Variants in PWWP3A observed in about 807,000 individuals in gnomAD.
PWWP3A encodes PWWP domain containing 3A, DNA repair factor.
In PWWP3A, 53 loss-of-function variants were observed where a neutral mutation model predicts 79.0. The observed-to-expected ratio is 0.67, with a 90% CI of 0.54 to 0.84. The LOEUF is 0.84. Ranked by LOEUF, PWWP3A falls within the 40% of genes least tolerant of loss-of-function variation. The probability of loss-of-function intolerance (pLI) is 0.00; values close to 1 mark genes in which losing one functional copy is unlikely to be tolerated. For missense variants in PWWP3A, 973 were observed against 948.0 expected (o/e 1.03, Z -0.35); for synonymous variants, 443 against 394.4 (o/e 1.12, Z -1.46).
At chr19:1,355,275 C>G (rs1262436653) in intron 1 of PWWP3A, 140 bp downstream of exon 1, 2 of 153,358 alleles carry the variant, frequency 1.3e-5, no homozygotes, top group African/African-American at 4.8e-5. Context: ...CCCCACTCTG[C>G]CCGGACCCCC....
intron 7 of PWWP3A, among the ~76,000 whole-genome samples, chr19:1,365,539 T>C (rs1018076539): frequency 2.6e-5 from 4 of 152,254 alleles, no homozygotes; most frequent in Admixed American, 2.6e-4. Context: ...AAACCGGGGA[T>C]TGAATCTGTG....
rs1568965069 is a variant in PWWP3A at position 1,375,525 on chromosome 19, T to TTTATTATATATAA, written c.2076-994_2076-993insTTATTATATATAA. On this transcript the variant is annotated intron_variant, in intron 13 of 13. Coordinates refer to ENST00000591337, the MANE Select transcript of PWWP3A (RefSeq NM_001369789.1). Reference sequence around the variant, plus strand: ...TTTATATATAATATATAAAATCATATAATTTATATATTTTATATATAAAAT... The same window carrying TTTATTATATATAA: ...TTTATATATAATATATAAAATCATATTTATTATATATAAAATTTATATATTTTATATATAAAAT... Among the ~76,000 whole-genome samples, 36 of 6,912 alleles carry TTTATTATATATAA rather than the reference T, an allele frequency of 5.2e-3. No homozygotes were observed. In the East Asian group the frequency reaches 0.18, roughly 34 times the overall value. The allele number at this position is 6,912 out of a possible 152,430, so 4.5% of individuals were successfully genotyped here.
Position 1,368,933 on chromosome 19 carries a change from G to A in PWWP3A, c.1423-332G>A, listed in dbSNP as rs113504810. Among the ~76,000 whole-genome samples the A allele has an allele frequency of 8.9e-4, 105 of 118,074 alleles. No individual in the cohort carries two copies. The highest frequency in any genetic ancestry group is 4.5e-3 in the Middle Eastern group (1 of 224). 77.5% of individuals were successfully genotyped at this position (118,074 alleles called of 152,430 possible). A position where few individuals can be genotyped will look rare whatever the true frequency, so the allele number is the denominator to read the frequency against. ...TGCGTTCAGACCAGCCCAAGCCATCGGGTCCCCGGTGCCCACCTGCGTTCA... is the reference window on the plus strand; with the variant it reads ...TGCGTTCAGACCAGCCCAAGCCATCAGGTCCCCGGTGCCCACCTGCGTTCA... On this transcript the variant is annotated intron_variant, in intron 9 of 13. Coordinates refer to ENST00000591337, the MANE Select transcript of PWWP3A (RefSeq NM_001369789.1). This position sits in a 1 kb window ranked among gnomAD's most constrained non-coding sequence, Gnocchi z 4.7.
At chr19:1,359,893 T>G (rs1328858627) in intron 4 of PWWP3A, 2 of 401,750 alleles carry the variant, frequency 5.0e-6, no homozygotes, top group Non-Finnish European at 8.8e-6. Flanking sequence ...GCCAATCAGG[T>G]TAAGGTCAAT....
Position 1,361,006 on chromosome 19 carries a change from G to A in PWWP3A, c.1085G>A (p.Cys362Tyr). 7.0e-7 allele frequency: 1 copy of A among 1,432,766 alleles called. No homozygotes were observed. The allele number at this position is 1,432,766 out of a possible 1,614,324, so 88.8% of individuals were successfully genotyped here. A position where few individuals can be genotyped will look rare whatever the true frequency, so the allele number is the denominator to read the frequency against. ...ASADATRCLP[C>Y]PDSQKLEKEC... The stretch of plus-strand genomic sequence containing the variant: ...GCGGATGCAACCAGATGTCTTCCTT[G>A]CCCGGATTCCCAGAAGCTGGAGAAA... Residue 362 changes from cysteine to tyrosine, a missense_variant, in exon 5 of 14, where the codon TGC (cysteine) becomes TAC (tyrosine). Coordinates refer to ENST00000591337, the MANE Select transcript of PWWP3A (RefSeq NM_001369789.1).
chr19:1,361,348 G>C (rs1396202825), intron 5 of PWWP3A, among the ~76,000 whole-genome samples: 1 of 152,222 alleles, frequency 6.6e-6, no homozygotes, highest in Non-Finnish European at 1.5e-5. Context: ...TGCTGAGGCC[G>C]CAGCTGCGGC....
At position 1,368,968 on chromosome 19, in the gene PWWP3A, A is replaced by C; in HGVS notation, c.1423-297A>C. The C allele has an allele frequency of 6.0e-6, 2 of 333,418 alleles. No individual in the cohort carries two copies. Among genetic ancestry groups the C allele is most frequent in the Non-Finnish European group, 1.1e-5 (2 of 175,428 alleles). 20.7% of individuals were successfully genotyped at this position (333,418 alleles called of 1,614,324 possible). The stretch of plus-strand genomic sequence containing the variant: ...TGCCCACCTGCGTTCAGATCAGCCC[A>C]AGCCATCGGGTCCCCGGTGCCCACC... On this transcript the variant is annotated intron_variant, in intron 9 of 13. Transcript: ENST00000591337. The surrounding 1 kb of genome is among the most constrained non-coding windows in gnomAD (Gnocchi z 4.7).
intron 4 of PWWP3A, 69 bp downstream of exon 4, chr19:1,358,533 G>C: frequency 1.2e-6 from 2 of 1,604,746 alleles, no homozygotes; most frequent in South Asian, 2.2e-5. Flanking sequence ...GAATGTGAAG[G>C]CTCAGCTTTC....
rs1792663316 is a variant in PWWP3A, at chr19:1,369,330, G to A, written c.1488G>A (p.Arg496=). The A allele has an allele frequency of 1.2e-6, 2 of 1,613,640 alleles. No homozygotes were observed. The highest frequency in any genetic ancestry group is 2.2e-5 in the South Asian group (2 of 91,064). Residue 496 remains arginine (R), a synonymous_variant, in exon 10 of 14, where the codon AGG becomes AGA. Coordinates refer to ENST00000591337, the MANE Select transcript of PWWP3A (RefSeq NM_001369789.1). This position sits in a 1 kb window ranked among gnomAD's most constrained non-coding sequence, Gnocchi z 4.0. ...GWCVSLITDY[R]VRLGCGSFAG... is the part of the protein sequence containing the mutation. Reference sequence around the variant, plus strand: ...GTGTCTCCCTCATCACCGACTACAGGGTCCGGTTAGGTACGTGGGGTGCTG... The same window carrying A: ...GTGTCTCCCTCATCACCGACTACAGAGTCCGGTTAGGTACGTGGGGTGCTG...
intron 4 of PWWP3A, chr19:1,359,828 T>G: frequency 4.2e-6 from 1 of 236,198 alleles, no homozygotes; most frequent in Non-Finnish European, 8.1e-6. Context: ...GCAAAACATT[T>G]GAATACATTT....
intron 8 of PWWP3A, among the ~76,000 whole-genome samples, 165 bp downstream of exon 8, chr19:1,366,546 G>A (rs2240241): frequency 0.43 from 65,267 of 152,082 alleles, 14,354 homozygotes; most frequent in Middle Eastern, 0.56. Context: ...CCTTCTTGTG[G>A]CCTCTCACTC....
chr19:1,375,555 A>AATT (rs1420565116), intron 13 of PWWP3A, among the ~76,000 whole-genome samples: 53,319 of 83,582 alleles, frequency 0.64, 13,782 homozygotes, highest in Middle Eastern at 0.71. Context: ...TAAAATATAT[A>AATT]TTATATATAA....
At chr19:1,375,570 T>C (rs1446966850) in intron 13 of PWWP3A, among the ~76,000 whole-genome samples, 2 of 125,092 alleles carry the variant, frequency 1.6e-5, no homozygotes, top group Non-Finnish European at 3.4e-5. Context: ...ATATAAAATA[T>C]ATTATATATA....
At position 1,364,544 on chromosome 19, in the gene PWWP3A, C is replaced by T; in HGVS notation, c.1249C>T (p.His417Tyr). 3 of 1,608,766 alleles carry T rather than the reference C, an allele frequency of 1.9e-6. No individual in the cohort carries two copies. The highest frequency in any genetic ancestry group is 2.5e-6 in the Non-Finnish European group (3 of 1,178,592). Residue 417 changes from histidine (H) to tyrosine (Y), a missense_variant, in exon 7 of 14, where the codon CAT (histidine) becomes TAT (tyrosine). By Grantham distance (83) the His-to-Tyr change is moderately conservative. Transcript: ENST00000591337. ...RSFEVGMLVW[H>Y]KHKKYPFWPA... The stretch of plus-strand genomic sequence containing the variant: ...GTTTGAAGTAGGAATGCTAGTCTGG[C>T]ATAAACATAAAAAATACCCCTTCTG...
intron 4 of PWWP3A, chr19:1,359,028 C>T (rs762997145): frequency 2.3e-4 from 69 of 294,604 alleles, no homozygotes; most frequent in Non-Finnish European, 4.5e-4. Context: ...CATCCGGGTG[C>T]GCTTTCTCCC....
chr19:1,369,242 C>T lies in PWWP3A; in HGVS notation c.1423-23C>T. ...GCTTGGCACTGCCTCCCACTGACGC[C>T]TGCTGCCCGGATCTCATTGTAGAAT... On this transcript the variant is annotated intron_variant, in intron 9 of 13. Coordinates refer to ENST00000591337, the MANE Select transcript of PWWP3A (RefSeq NM_001369789.1). The surrounding 1 kb of genome is among the most constrained non-coding windows in gnomAD (Gnocchi z 4.0). 6.2e-7 allele frequency: 1 copy of T among 1,613,420 alleles called. No individual in the cohort carries two copies. The highest frequency in any genetic ancestry group is 8.5e-7 in the Non-Finnish European group (1 of 1,179,602).
intron 5 of PWWP3A, 119 bp downstream of exon 5, chr19:1,361,151 A>G: frequency 9.9e-7 from 1 of 1,013,544 alleles, no homozygotes; most frequent in Non-Finnish European, 1.3e-6. Flanking sequence ...CGTTGCCAAA[A>G]TAGACTTAGA....
At chr19:1,374,461 GT>G (rs1236705400) in intron 13 of PWWP3A, 5 of 152,234 alleles carry the variant, frequency 3.3e-5, no homozygotes, top group Non-Finnish European at 7.3e-5. Flanking sequence ...GCCGCACGGC[GT>G]TTCCCAGGCC....
At chr19:1,367,579 G>A (rs1452471893) in intron 9 of PWWP3A, among the ~76,000 whole-genome samples, 1 of 152,238 alleles carries the variant, frequency 6.6e-6, no homozygotes, top group African/African-American at 2.4e-5. Context: ...CCCATGTCAC[G>A]GTGGCCTCGG....
Sources: gnomAD v4.1 joint callset for allele counts (sites outside exome capture counted in the v4.1 genomes callset) on GRCh38, gnomAD v4.1.1 for gene constraint, Gnocchi (gnomAD v3.1) non-coding constraint, MANE v1.5 for transcripts, NCBI Gene and HGNC (gene_info 2026-07-23, HGNC 2026-07-21) for gene names.